The following GPR89B variants were observed in gnomAD, a reference collection of about 807,000 sequenced individuals.
GPR89B encodes the protein G protein-coupled receptor 89B.
Under a neutral mutation model 52.4 loss-of-function variants are expected in GPR89B, and 25 were observed. That is an observed-to-expected ratio of 0.48 (90% CI 0.35 to 0.67). GPR89B has a LOEUF of 0.67. Among genes scored for constraint, GPR89B ranks in the 30% least tolerant of loss-of-function variants. GPR89B has a pLI of 0.01. For missense variants in GPR89B, 146 were observed against 450.2 expected (o/e 0.32, Z 6.11); for synonymous variants, 52 against 151.2 (o/e 0.34, Z 4.81).
At chr1:147,946,696 A>G (rs1342828997) in intron 5 of GPR89B, among the ~76,000 whole-genome samples, 1 of 152,196 alleles carries the variant, frequency 6.6e-6, no homozygotes, top group East Asian at 1.9e-4. Flanking sequence ...TTCAGCTCAC[A>G]TGACCAGTGC....
chr1:148,009,476 C>A, the GPR89B span: 1 of 1,603,182 alleles, frequency 6.2e-7, no homozygotes, highest in Middle Eastern at 2.3e-4. Flanking sequence ...CTTGCTCCTT[C>A]TGACTTTGAC....
At chr1:147,937,223 C>G (rs1400295988) in intron 2 of GPR89B, among the ~76,000 whole-genome samples, 1 of 151,028 alleles carries the variant, frequency 6.6e-6, no homozygotes, top group Non-Finnish European at 1.5e-5. Flanking sequence ...ATGGTGACTC[C>G]GAGCCACAAA....
At chr1:147,935,005 G>C (rs1207675779) in intron 1 of GPR89B, among the ~76,000 whole-genome samples, 2 of 149,724 alleles carry the variant, frequency 1.3e-5, no homozygotes, top group Non-Finnish European at 3.0e-5. Flanking sequence ...AGACAAACAT[G>C]GTTTTTGTCC....
the GPR89B span, chr1:148,010,607 GGTCTTTGAAAGCCT>G: frequency 1.3e-5 from 2 of 152,300 alleles, no homozygotes; most frequent in Non-Finnish European, 2.9e-5. Context: ...CCAGCTCCTG[GGTCTTTGAAAGCCT>G]GTTTAGGGAA....
At chr1:148,009,455 A>G in the GPR89B span, 8 of 1,601,044 alleles carry the variant, frequency 5.0e-6, no homozygotes, top group Non-Finnish European at 6.8e-6. Context: ...AAAGTATATT[A>G]TCACTCAAAC....
At chr1:148,025,523 CAAAAAAAA>C in the GPR89B span, among the ~76,000 whole-genome samples, 8 of 29,678 alleles carry the variant, frequency 2.7e-4, no homozygotes, top group African/African-American at 8.3e-4. Flanking sequence ...AACTCTGTCT[CAAAAAAAA>C]AAAAAAAAAA....
At chr1:147,987,741 A>G (rs1320838875) in intron 11 of GPR89B, among the ~76,000 whole-genome samples, 1 of 151,980 alleles carries the variant, frequency 6.6e-6, no homozygotes, top group Non-Finnish European at 1.5e-5. Context: ...CCTTTCAGAT[A>G]CTTTTCAGAA....
At chr1:147,944,825 C>A (rs1311312080) in intron 5 of GPR89B, among the ~76,000 whole-genome samples, 1 of 147,882 alleles carries the variant, frequency 6.8e-6, no homozygotes, top group Non-Finnish European at 1.5e-5. Flanking sequence ...ATTAGAGAAT[C>A]TATCTAAAAA....
At chr1:147,965,840 G>A (rs1293013244) in intron 7 of GPR89B, among the ~76,000 whole-genome samples, 1 of 150,850 alleles carries the variant, frequency 6.6e-6, no homozygotes, top group Non-Finnish European at 1.5e-5. Flanking sequence ...GTTTTTTTTT[G>A]TTTGTTTGTT....
intron 5 of GPR89B, among the ~76,000 whole-genome samples, chr1:147,949,969 TG>T (rs1278097295): frequency 1.3e-5 from 1 of 77,412 alleles, no homozygotes; most frequent in Non-Finnish European, 2.5e-5. Flanking sequence ...TGGCCGGGTG[TG>T]GGGCTGACCC....
the GPR89B span, chr1:148,011,566 A>G: frequency 0.26 from 39,509 of 151,960 alleles, 5,539 homozygotes; most frequent in East Asian, 0.42. Flanking sequence ...ACTCTTCGTG[A>G]GTCGGAGAGC....
At chr1:147,994,906 A>G (rs1206069696), downstream of GPR89B, among the ~76,000 whole-genome samples, 3 of 152,128 alleles carry the variant, frequency 2.0e-5, no homozygotes, top group Non-Finnish European at 4.4e-5. Context: ...CGGCTTTGCT[A>G]TAAATTTCCT....
chr1:147,984,541 T>C (rs1177231480), intron 10 of GPR89B, among the ~76,000 whole-genome samples: 1 of 150,264 alleles, frequency 6.7e-6, no homozygotes, highest in Admixed American at 6.7e-5. Flanking sequence ...TGATTTCTGC[T>C]CTGGTCTTTG....
chr1:147,976,665 G>A (rs1377811562), intron 10 of GPR89B, among the ~76,000 whole-genome samples: 1 of 151,672 alleles, frequency 6.6e-6, no homozygotes, highest in Non-Finnish European at 1.5e-5. Context: ...AAATTGTTAT[G>A]TGTGATTTGA....
At chr1:147,988,352 T>G (rs1209684832) in intron 11 of GPR89B, 80 bp from the exon 12 acceptor site, 1 of 1,593,540 alleles carries the variant, frequency 6.3e-7, no homozygotes, top group Non-Finnish European at 8.6e-7. Context: ...CACAGTCATG[T>G]AAATGATTGG....
At chr1:147,965,533 A>G (rs1360456712) in intron 7 of GPR89B, among the ~76,000 whole-genome samples, 1 of 152,146 alleles carries the variant, frequency 6.6e-6, no homozygotes, top group African/African-American at 2.4e-5. Context: ...GATCCTCACT[A>G]GGACCCTGTT....
chr1:148,017,140 C>A, the GPR89B span, among the ~76,000 whole-genome samples: 1 of 151,764 alleles, frequency 6.6e-6, no homozygotes, highest in Admixed American at 6.6e-5. Context: ...CTCCTGGGTT[C>A]AAGCGATTCT....
intron 7 of GPR89B, among the ~76,000 whole-genome samples, chr1:147,960,520 G>A (rs2149067116): frequency 6.6e-6 from 1 of 152,064 alleles, no homozygotes; most frequent in East Asian, 1.9e-4. Flanking sequence ...TTACTAGGTG[G>A]GCTTAACAGG....
At chr1:147,936,810 A>G (rs1654129490) in intron 2 of GPR89B, 124 bp downstream of exon 2, 3 of 773,614 alleles carry the variant, frequency 3.9e-6, no homozygotes, top group Admixed American at 2.5e-5. Flanking sequence ...TAAGTACTAT[A>G]TAACTATTAG....
Sources: gnomAD v4.1 joint callset for allele counts (sites outside exome capture counted in the v4.1 genomes callset) on GRCh38, gnomAD v4.1.1 for gene constraint, MANE v1.5 for transcripts, NCBI Gene and HGNC (gene_info 2026-07-23, HGNC 2026-07-21) for gene names.